Variants in LARP1 observed in about 807,000 individuals in gnomAD.
The protein encoded by LARP1 is La ribonucleoprotein 1, translational regulator.
In LARP1, 36 loss-of-function variants were observed where a neutral mutation model predicts 122.7. That is an observed-to-expected ratio of 0.29 (90% CI 0.22 to 0.39). The LOEUF is 0.39. Among genes scored for constraint, LARP1 ranks in the 10% least tolerant of loss-of-function variants. The pLI is 1.00. For missense variants in LARP1, 1,040 were observed against 1,403.6 expected (o/e 0.74, Z 4.14); for synonymous variants, 539 against 528.7 (o/e 1.02, Z -0.27).
intron 1 of LARP1, among the ~76,000 whole-genome samples, chr5:154,759,908 G>C (rs925461711): frequency 1.1e-4 from 17 of 150,652 alleles, no homozygotes; most frequent in African/African-American, 3.7e-4. Flanking sequence ...ATTTAAGATA[G>C]GCTGGGCTAA....
At chr5:154,766,404 C>T (rs569849436) in intron 1 of LARP1, among the ~76,000 whole-genome samples, 1 of 152,348 alleles carries the variant, frequency 6.6e-6, no homozygotes, top group South Asian at 2.1e-4. Context: ...ATTTCCAAGT[C>T]ACTCCTGAAA....
At chr5:154,800,138 G>A (rs1758226783) in intron 10 of LARP1, 96 bp downstream of exon 10, 3 of 1,127,644 alleles carry the variant, frequency 2.7e-6, no homozygotes, top group Admixed American at 5.0e-5. Context: ...GCTCTGAGGG[G>A]CCAGCAGGAA....
chr5:154,684,048 G>A (rs2113166656), intron 1 of LARP1, among the ~76,000 whole-genome samples: 1 of 152,204 alleles, frequency 6.6e-6, no homozygotes, highest in East Asian at 1.9e-4. Context: ...TGGCTTATGA[G>A]ACACTGTTGC....
intron 1 of LARP1, among the ~76,000 whole-genome samples, chr5:154,772,090 A>G (rs1298855528): frequency 6.6e-6 from 1 of 152,246 alleles, no homozygotes; most frequent in East Asian, 1.9e-4. Context: ...ACGCACATGA[A>G]CATAAATACA....
intron 1 of LARP1, among the ~76,000 whole-genome samples, chr5:154,739,271 C>T (rs1326402055): frequency 2.6e-5 from 4 of 152,152 alleles, no homozygotes; most frequent in African/African-American, 7.2e-5. Context: ...CCGCCCACCT[C>T]GGCCTCCCAA....
chr5:154,735,286 C>G (rs1218387197), intron 1 of LARP1, among the ~76,000 whole-genome samples: 1 of 152,138 alleles, frequency 6.6e-6, no homozygotes, highest in East Asian at 1.9e-4. Flanking sequence ...GAAACCCCGT[C>G]TCTACTAAAA....
At chr5:154,794,342 C>G in intron 7 of LARP1, 80 bp downstream of exon 7, 2 of 1,408,176 alleles carry the variant, frequency 1.4e-6, no homozygotes, top group Non-Finnish European at 2.0e-6. Flanking sequence ...CTGGGCAGGC[C>G]CTTCTGGTGC....
chr5:154,782,134 T>G (rs1383208538), intron 1 of LARP1, among the ~76,000 whole-genome samples: 1 of 152,188 alleles, frequency 6.6e-6, no homozygotes, highest in Non-Finnish European at 1.5e-5. Context: ...TTCCTTCAGT[T>G]TCATTTTCTG....
chr5:154,793,524 G>A (rs1479637435), intron 4 of LARP1, 71 bp from the exon 5 acceptor site: 2 of 1,596,780 alleles, frequency 1.3e-6, no homozygotes, highest in Middle Eastern at 1.7e-4. Flanking sequence ...CAGAAGAAGA[G>A]GAGTTGGGTA....
At chr5:154,804,416 A>G in intron 14 of LARP1, 109 bp downstream of exon 14, 2 of 820,902 alleles carry the variant, frequency 2.4e-6, no homozygotes, top group Non-Finnish European at 4.0e-6. Context: ...AGGGACCCTC[A>G]TCTAAGAGGT....
upstream of LARP1, among the ~76,000 whole-genome samples, chr5:154,710,742 CAAA>C (rs35253134): frequency 3.3e-3 from 301 of 92,396 alleles, no homozygotes; most frequent in Middle Eastern, 0.011. Flanking sequence ...GACTCCATCT[CAAA>C]AAAAAAAAAA....
chr5:154,808,037 T>G lies in LARP1; in HGVS notation c.2699-422T>G, dbSNP rs76162105. ...TGTTTTGTTGCTTGTGCTTTTGGTG[T>G]TGTGCATTTTTTGATATTACTGTTT... On this transcript the variant is annotated intron_variant, in intron 15 of 18. Coordinates refer to ENST00000518297, the MANE Select transcript of LARP1 (RefSeq NM_033551.3). Among the ~76,000 whole-genome samples, 276 of 152,362 alleles carry G rather than the reference T, an allele frequency of 1.8e-3. 4 individuals are homozygous for G. In the East Asian group the frequency reaches 0.024, roughly 13 times the overall value.
At chr5:154,699,425 T>G (rs1236743290) in intron 1 of LARP1, among the ~76,000 whole-genome samples, 2 of 151,870 alleles carry the variant, frequency 1.3e-5, no homozygotes, top group Non-Finnish European at 1.5e-5. Context: ...TCCAGCACTT[T>G]GAGAGGATGG....
chr5:154,753,206 A>G (rs1015515137), upstream of LARP1, among the ~76,000 whole-genome samples: 4 of 152,192 alleles, frequency 2.6e-5, no homozygotes, highest in African/African-American at 9.7e-5. Context: ...ACAACTAACA[A>G]TAATAATTAT....
chr5:154,792,103 C>T (rs1372963297), intron 3 of LARP1: 5 of 399,570 alleles, frequency 1.3e-5, no homozygotes, highest in African/African-American at 4.1e-5. Flanking sequence ...GGCCAAGCAC[C>T]GACCTCCAGA....
intron 1 of LARP1, among the ~76,000 whole-genome samples, chr5:154,776,883 A>G (rs1488406995): frequency 6.6e-6 from 1 of 152,226 alleles, no homozygotes; most frequent in Non-Finnish European, 1.5e-5. Context: ...TTCTTTTGGA[A>G]CAGCTCTGCT....
At chr5:154,794,052 T>C (rs1377673285) in intron 6 of LARP1, 48 bp from the exon 7 acceptor site, 3 of 1,610,564 alleles carry the variant, frequency 1.9e-6, no homozygotes, top group Admixed American at 1.7e-5. Flanking sequence ...GCAGCAGGGG[T>C]GGTGGGCAGG....
rs373130554 is a variant in LARP1, at chr5:154,743,088, C to A, written c.205+29958C>A. Among the ~76,000 whole-genome samples the A allele has an allele frequency of 3.3e-5, 5 of 152,172 alleles. No homozygotes were observed. The East Asian group carries it at 9.6e-4, about 29-fold the overall frequency. On this transcript the variant is annotated intron_variant, in intron 1 of 18. Coordinates refer to the LARP1 transcript ENST00000336314. ...GACCTACAGCCAAACACTCATTTAA[C>A]ATTGCTTAACCCAATATTTCCCAAA... is the stretch of plus-strand genomic sequence containing the variant.
intron 1 of LARP1, among the ~76,000 whole-genome samples, chr5:154,763,980 A>C (rs1393222221): frequency 6.6e-6 from 1 of 151,910 alleles, no homozygotes. Flanking sequence ...GTGTCACTGC[A>C]CTCCAGCCTG....
Sources: gnomAD v4.1 joint callset for allele counts (sites outside exome capture counted in the v4.1 genomes callset) on GRCh38, gnomAD v4.1.1 for gene constraint, MANE v1.5 for transcripts, NCBI Gene and HGNC (gene_info 2026-07-23, HGNC 2026-07-21) for gene names.